The following HUWE1 variants were observed in gnomAD, a reference collection of about 807,000 sequenced individuals.
The protein encoded by HUWE1 is HECT, UBA and WWE domain containing E3 ubiquitin protein ligase 1, also known as E3 ubiquitin-protein ligase HUWE1.
A neutral mutation model predicts 299.4 loss-of-function variants in HUWE1; 18 were observed. The ratio of observed to expected loss-of-function variants is 0.06; its 90% CI spans 0.04 to 0.09. The LOEUF (loss-of-function observed/expected upper bound fraction) is 0.09. Ranked by LOEUF, HUWE1 falls within the 10% of genes least tolerant of loss-of-function variation. HUWE1 has a pLI of 1.00. For missense variants in HUWE1, 1,832 were observed against 3,462.3 expected (o/e 0.53, Z 11.82); for synonymous variants, 1,317 against 1,286.1 (o/e 1.02, Z -0.51).
intron 43 of HUWE1, among the ~76,000 whole-genome samples, chrX:53,579,412 C>G (rs1266237700): frequency 5.4e-5 from 6 of 111,200 alleles, no homozygotes; most frequent in Non-Finnish European, 7.6e-5. Flanking sequence ...AAGTGGGGAG[C>G]CCCTCTGCCC....
intron 48 of HUWE1, 62 bp downstream of exon 48, chrX:53,569,554 A>C (rs2062727637): frequency 3.7e-6 from 4 of 1,067,142 alleles, no homozygotes; most frequent in Non-Finnish European, 5.2e-6. Flanking sequence ...CCACCCATGG[A>C]CTAAGAAGAA....
intron 25 of HUWE1, among the ~76,000 whole-genome samples, chrX:53,605,938 T>TA (rs1465534148): frequency 3.6e-5 from 4 of 111,426 alleles, no homozygotes; most frequent in African/African-American, 1.3e-4. Context: ...TTTTACCATA[T>TA]AAAAAATCTA....
intron 49 of HUWE1, 150 bp from the exon 50 acceptor site, chrX:53,565,389 A>T: frequency 1.8e-6 from 1 of 542,544 alleles, no homozygotes; most frequent in South Asian, 3.5e-5. Context: ...TTTAGAAAAA[A>T]AAAATTTTGA....
chrX:53,652,047 T>C (rs972713692), intron 4 of HUWE1, among the ~76,000 whole-genome samples: 4 of 112,064 alleles, frequency 3.6e-5, no homozygotes, highest in Non-Finnish European at 5.6e-5. Context: ...TTTATCCAGA[T>C]GTCTATTTAC....
At chrX:53,661,332 C>T (rs1236918706) in intron 3 of HUWE1, among the ~76,000 whole-genome samples, 1 of 112,236 alleles carries the variant, frequency 8.9e-6, no homozygotes, top group Admixed American at 9.4e-5. Context: ...CGGCACCCAG[C>T]CTCACCTTTT....
chrX:53,552,904 G>T lies in HUWE1; in HGVS notation c.8495-11C>A, dbSNP rs781903750. ...CTGGGGAAAGTGAGGCTAGGAAGAA[G>T]TTGCAGGGAGAGGTTAGGTTTCTAT... On this transcript the variant is annotated splice_polypyrimidine_tract_variant and intron_variant, in intron 61 of 83. Coordinates refer to ENST00000262854, the MANE Select transcript of HUWE1 (RefSeq NM_031407.7). 1.1e-4 allele frequency: 139 copies of T among 1,209,784 alleles called. No individual in the cohort carries two copies. Among genetic ancestry groups the T allele is most frequent in the Admixed American group, 2.2e-5 (1 of 45,815 alleles).
In HUWE1 at chrX:53,542,298, C is replaced by T. The variant is rs1211030574; in HGVS notation, c.11476+145G>A. The T allele has an allele frequency of 2.0e-5, 10 of 511,217 alleles. No individual in the cohort carries two copies. In the African/African-American group the frequency reaches 2.3e-4, roughly 12 times the overall value. The allele number at this position is 511,217 out of a possible 1,213,427, so 42.1% of individuals were successfully genotyped here. ...AAAAGTGTGCCTTGGTTGTCAAACA[C>T]CTGTCATCATTTACAGAAACCAGGG... On this transcript the variant is annotated intron_variant, in intron 74 of 83. Transcript: ENST00000262854.
intron 17 of HUWE1, chrX:53,625,847 G>A (rs181410116): frequency 7.1e-5 from 10 of 140,597 alleles, no homozygotes; most frequent in Middle Eastern, 8.5e-4. Context: ...GGCCGGGGCC[G>A]GGGCCAGGGC....
intron 3 of HUWE1, among the ~76,000 whole-genome samples, chrX:53,667,650 T>C (rs2069313152): frequency 8.9e-6 from 1 of 112,133 alleles, no homozygotes; most frequent in Non-Finnish European, 1.9e-5. Flanking sequence ...TGAACCATCA[T>C]TAAGTCGGGG....
Position 53,682,047 on chromosome X carries a change from C to T in HUWE1, c.-162-1861G>A, listed in dbSNP as rs1457950233. 2.7e-5 allele frequency among the ~76,000 whole-genome samples: 3 copies of T among 111,518 alleles called. No homozygotes were observed. In the Admixed American group the frequency reaches 2.8e-4, roughly 11 times the overall value. On this transcript the variant is annotated intron_variant, in intron 2 of 83. Coordinates refer to ENST00000262854, the MANE Select transcript of HUWE1 (RefSeq NM_031407.7). ...AAAATATAAACGTTATAGATCTGGC[C>T]TAGAAATACACCAAGAATGTACAGT...
intron 68 of HUWE1, 128 bp downstream of exon 68, chrX:53,547,545 C>CA (rs782224857): frequency 2.0e-6 from 2 of 1,017,549 alleles, no homozygotes; most frequent in Non-Finnish European, 2.6e-6. Flanking sequence ...AGAATGAACA[C>CA]ATTCTGTTCT....
At chrX:53,578,834 C>T (rs1291601733) in intron 43 of HUWE1, among the ~76,000 whole-genome samples, 2 of 78,263 alleles carry the variant, frequency 2.6e-5, no homozygotes, top group Admixed American at 2.5e-4. Context: ...CCCGGCCAGC[C>T]GCCCAGTCCG....
chrX:53,548,408 G>A (rs1247194527), intron 67 of HUWE1, 135 bp from the exon 68 acceptor site: 3 of 747,569 alleles, frequency 4.0e-6, no homozygotes, highest in Non-Finnish European at 5.9e-6. Flanking sequence ...TGTCATATAA[G>A]AGTTTTATCC....
intron 47 of HUWE1, among the ~76,000 whole-genome samples, chrX:53,572,965 A>G (rs1019557711): frequency 1.8e-5 from 2 of 111,177 alleles, no homozygotes; most frequent in African/African-American, 6.6e-5. Context: ...AAACCCCCAC[A>G]AATCAAGAAA....
At chrX:53,565,963 A>C (rs1331262690) in intron 49 of HUWE1, among the ~76,000 whole-genome samples, 2 of 107,601 alleles carry the variant, frequency 1.9e-5, no homozygotes, top group African/African-American at 6.8e-5. Flanking sequence ...TAAAAGTACA[A>C]TAGGGGCTGC....
chrX:53,673,394 G>A (rs781994379), intron 3 of HUWE1, among the ~76,000 whole-genome samples: 11 of 111,124 alleles, frequency 9.9e-5, no homozygotes, highest in Non-Finnish European at 2.1e-4. Context: ...TTGAGGATGC[G>A]GCTCAAGTTT....
At chrX:53,546,127 G>C (rs2061531728) in intron 70 of HUWE1, among the ~76,000 whole-genome samples, 1 of 111,602 alleles carries the variant, frequency 9.0e-6, no homozygotes, top group African/African-American at 3.3e-5. Flanking sequence ...GCTCTTACGA[G>C]TGCCCAGCAT....
chrX:53,626,532 T>C (rs1557017905), intron 17 of HUWE1, among the ~76,000 whole-genome samples: 1 of 111,522 alleles, frequency 9.0e-6, no homozygotes, highest in African/African-American at 3.3e-5. Context: ...AAATACTACA[T>C]ACATACTTAA....
chrX:53,562,047 T>C (rs1263774232), intron 54 of HUWE1, 64 bp downstream of exon 54: 2 of 1,208,847 alleles, frequency 1.7e-6, no homozygotes, highest in African/African-American at 1.8e-5. Context: ...CTGTTGGTTT[T>C]CTGCAGCTCT....
Sources: gnomAD v4.1 joint callset for allele counts (sites outside exome capture counted in the v4.1 genomes callset) on GRCh38, gnomAD v4.1.1 for gene constraint, MANE v1.5 for transcripts, NCBI Gene and HGNC (gene_info 2026-07-23, HGNC 2026-07-21) for gene names.